Variants in PARD3B observed in about 807,000 individuals in gnomAD.
The protein encoded by PARD3B is par-3 family cell polarity regulator beta, also known as partitioning defective 3 homolog B.
In PARD3B, 103 loss-of-function variants were observed where a neutral mutation model predicts 130.2. That is an observed-to-expected ratio of 0.79 (90% confidence interval 0.67 to 0.93). The LOEUF is 0.93. Among genes scored for constraint, PARD3B ranks in the 40% least tolerant of loss-of-function variants. PARD3B has a pLI of 0.00. For synonymous variants in PARD3B, 583 were observed against 553.2 expected, an observed-to-expected ratio of 1.05 and a Z score of -0.76; for missense variants, 1,609 against 1,499.2, an observed-to-expected ratio of 1.07 and a Z score of -1.21.
Position 205,142,950 on chromosome 2 carries a change from G to A in PARD3B, c.1435-15772G>A, listed in dbSNP as rs1211099320. On this transcript the variant is annotated intron_variant, in intron 10 of 22. Coordinates refer to ENST00000406610, the MANE Select transcript of PARD3B (RefSeq NM_001302769.2). This position sits in a 1 kb window ranked among gnomAD's most constrained non-coding sequence, Gnocchi z 4.3. Reference sequence around the variant, plus strand: ...GCAAATAATTGTAAGAAAGTGATGCGAATCATCAGAATGGGAAAACATAAG... The same window carrying A: ...GCAAATAATTGTAAGAAAGTGATGCAAATCATCAGAATGGGAAAACATAAG... Among the ~76,000 whole-genome samples the A allele has an allele frequency of 6.6e-6, 1 of 151,966 alleles. No individual in the cohort carries two copies. Among genetic ancestry groups the A allele is most frequent in the Admixed American group, 6.6e-5 (1 of 15,252 alleles).
rs116343089 is a variant in PARD3B at position 205,205,401 on chromosome 2, T to C, written c.2140+12081T>C. Among the ~76,000 whole-genome samples the C allele has an allele frequency of 4.9e-3, 744 of 152,314 alleles. 5 individuals are homozygous for C. Among genetic ancestry groups the C allele is most frequent in the African/African-American group, 0.017 (709 of 41,560 alleles). ...TCATATCATCTGCAAACAGAGATAATTTGACTTCCTGTCTTCTTAGTTCAA... is the reference window on the plus strand; with the variant it reads ...TCATATCATCTGCAAACAGAGATAACTTGACTTCCTGTCTTCTTAGTTCAA... On this transcript the variant is annotated intron_variant, in intron 15 of 22. Transcript: ENST00000406610.
chr2:205,575,165 TAC>T lies in PARD3B; in HGVS notation c.3260+21770_3260+21771del, dbSNP rs1217192115. ...TTTCATGTAAGGTATATATATATTA[TAC>T]ACACACATATATATCATATATATAC... On this transcript the variant is annotated intron_variant, in intron 22 of 22. Transcript: ENST00000406610. The surrounding 1 kb of genome is among the most constrained non-coding windows in gnomAD (Gnocchi z 4.6). Among the ~76,000 whole-genome samples the T allele has an allele frequency of 6.6e-6, 1 of 151,834 alleles. No individual in the cohort carries two copies. Among genetic ancestry groups the T allele is most frequent in the Non-Finnish European group, 1.5e-5 (1 of 67,982 alleles).
At chr2:205,027,665 T>C (rs945946043) in intron 3 of PARD3B, among the ~76,000 whole-genome samples, 4 of 152,166 alleles carry the variant, frequency 2.6e-5, no homozygotes, top group Non-Finnish European at 5.9e-5. Flanking sequence ...GCTTTTTCAC[T>C]GTGCTTTTTC....
chr2:205,206,980 C>CA (rs2037352723), intron 15 of PARD3B, among the ~76,000 whole-genome samples: 1 of 147,536 alleles, frequency 6.8e-6, no homozygotes, highest in South Asian at 2.2e-4. Flanking sequence ...AAGCTCTCCT[C>CA]AGCAAATGTA....
At chr2:205,084,759 A>G (rs1701638142) in intron 4 of PARD3B, among the ~76,000 whole-genome samples, 1 of 151,972 alleles carries the variant, frequency 6.6e-6, no homozygotes, top group Non-Finnish European at 1.5e-5. Flanking sequence ...TGGTCAGAGA[A>G]CAAGATGTAA....
At chr2:204,662,056 A>G (rs776719798) in intron 1 of PARD3B, among the ~76,000 whole-genome samples, 6 of 152,214 alleles carry the variant, frequency 3.9e-5, no homozygotes, top group Non-Finnish European at 5.9e-5. Flanking sequence ...AACAATATCA[A>G]TGAACTTTCT....
chr2:205,369,623 T>G lies in PARD3B; in HGVS notation c.2631-31390T>G, dbSNP rs543163631. On this transcript the variant is annotated intron_variant, in intron 18 of 22. Transcript: ENST00000406610. ...GAGTTAAAGAAAAATTTCTTCCCAT[T>G]TTTCAAGACCCAGGTCAAGTCCTCT... 1.2e-4 allele frequency among the ~76,000 whole-genome samples: 18 copies of G among 152,306 alleles called. 1 individual carries two copies. The South Asian group carries it at 3.7e-3, about 32-fold the overall frequency.
At chr2:204,892,841 G>A (rs1575231386) in intron 2 of PARD3B, among the ~76,000 whole-genome samples, 1 of 152,170 alleles carries the variant, frequency 6.6e-6, no homozygotes, top group East Asian at 1.9e-4. Context: ...GAAAGATCTG[G>A]GCTGGGGAAA....
intron 3 of PARD3B, among the ~76,000 whole-genome samples, chr2:204,979,841 C>T (rs1692517192): frequency 1.3e-5 from 2 of 152,076 alleles, no homozygotes; most frequent in East Asian, 1.9e-4. Flanking sequence ...CAGTGCTAGA[C>T]AGATTATAGA....
rs1691356458 is a variant in PARD3B at position 204,967,530 on chromosome 2, G to A, written c.394+2207G>A. Among the ~76,000 whole-genome samples, 1 of 152,178 alleles carries A rather than the reference G, an allele frequency of 6.6e-6. No homozygotes were observed. Among genetic ancestry groups the A allele is most frequent in the African/African-American group, 2.4e-5 (1 of 41,428 alleles). On this transcript the variant is annotated intron_variant, in intron 3 of 22. Transcript: ENST00000406610. The surrounding 1 kb of genome is among the most constrained non-coding windows in gnomAD (Gnocchi z 4.4). ...CTGAGAACCATATCTAAACTCGTTAGCAAGCTGATGCAGATGGTTCCTCTG... is the reference window on the plus strand; with the variant it reads ...CTGAGAACCATATCTAAACTCGTTAACAAGCTGATGCAGATGGTTCCTCTG...
At chr2:205,508,440 C>T (rs2050458473) in intron 21 of PARD3B, among the ~76,000 whole-genome samples, 1 of 152,008 alleles carries the variant, frequency 6.6e-6, no homozygotes, top group Non-Finnish European at 1.5e-5. Context: ...GGTGTGGTGG[C>T]ATGCATCTGT....
chr2:204,790,384 TA>T (rs1469943066), intron 2 of PARD3B, among the ~76,000 whole-genome samples: 3 of 152,372 alleles, frequency 2.0e-5, no homozygotes, highest in East Asian at 3.9e-4. Context: ...TGAAGTTAGT[TA>T]ACTCACAGCT....
rs200985405 is a variant in PARD3B, at chr2:204,738,086, AT to A, written c.222+51813del. ...TTTTTGATTCCATATTAATTTTAGG[AT>A]TTTTTTTTCTAATTCTGTGAAAAAT... On this transcript the variant is annotated intron_variant, in intron 2 of 22. Coordinates refer to ENST00000406610, the MANE Select transcript of PARD3B (RefSeq NM_001302769.2). 2.3e-3 allele frequency among the ~76,000 whole-genome samples: 343 copies of A among 151,448 alleles called. 2 individuals are homozygous for A. The highest frequency in any genetic ancestry group is 7.9e-3 in the African/African-American group (328 of 41,286).
rs2036094936 is a variant in PARD3B, at chr2:205,186,297, A to G, written c.2024+434A>G. On this transcript the variant is annotated intron_variant, in intron 14 of 22. Coordinates refer to ENST00000406610, the MANE Select transcript of PARD3B (RefSeq NM_001302769.2). ...GTTAATGGAATCTAAAAATTAAAGC[A>G]ACACCATATATAATCTAAAATATTG... 3.9e-5 allele frequency among the ~76,000 whole-genome samples: 6 copies of G among 152,302 alleles called. No individual in the cohort carries two copies. The South Asian group carries it at 1.0e-3, about 26-fold the overall frequency.
intron 18 of PARD3B, among the ~76,000 whole-genome samples, chr2:205,302,671 C>T (rs374065114): frequency 6.6e-6 from 1 of 152,054 alleles, no homozygotes; most frequent in African/African-American, 2.4e-5. Context: ...GAACCTCATC[C>T]CTCTGTGACT....
chr2:204,704,739 G>T (rs577824893), intron 2 of PARD3B, among the ~76,000 whole-genome samples: 19 of 152,028 alleles, frequency 1.2e-4, no homozygotes, highest in African/African-American at 4.3e-4. Context: ...AATCTGAGGG[G>T]GCCACTAATT....
intron 16 of PARD3B, among the ~76,000 whole-genome samples, chr2:205,246,112 G>A (rs1268836446): frequency 6.6e-6 from 1 of 152,038 alleles, no homozygotes; most frequent in Non-Finnish European, 1.5e-5. Flanking sequence ...AAAATTGCAA[G>A]AAAACCCAAG....
rs750051754 is a variant in PARD3B, at chr2:205,119,035, A to C, written c.795A>C (p.Lys265Asn). The change falls in exon 7 of 23, where the codon AAA (lysine) becomes AAC (asparagine). Residue 265 changes from lysine to asparagine, a missense_variant. Transcript: ENST00000406610. ...VKINNVDLVD[K>N]TFAQAQDVFR... ...TCAACAATGTGGATCTCGTAGACAAAACCTTTGCTCAGTAAGCATTTTTTC... is the reference window on the plus strand; with the variant it reads ...TCAACAATGTGGATCTCGTAGACAACACCTTTGCTCAGTAAGCATTTTTTC... The C allele has an allele frequency of 3.6e-5, 57 of 1,602,522 alleles. No individual in the cohort carries two copies. In the Admixed American group the frequency reaches 9.8e-4, roughly 28 times the overall value.
intron 3 of PARD3B, among the ~76,000 whole-genome samples, chr2:205,047,129 C>G (rs529086706): frequency 2.6e-5 from 4 of 152,282 alleles, no homozygotes; most frequent in African/African-American, 7.2e-5. Flanking sequence ...TTATTTTGGT[C>G]TATATCATCA....
Sources: allele counts gnomAD v4.1 joint callset (sites outside exome capture counted in the v4.1 genomes callset), GRCh38; gene constraint gnomAD v4.1.1; non-coding constraint Gnocchi (gnomAD v3.1); transcripts MANE v1.5; gene names NCBI Gene and HGNC (gene_info 2026-07-23, HGNC 2026-07-21).